MYO15A: variants seen among roughly 807,000 people sequenced by gnomAD.
MYO15A encodes myosin XVA.
Under a neutral mutation model 394.6 loss-of-function variants are expected in MYO15A, and 308 were observed. That is an observed-to-expected ratio of 0.78 (90% confidence interval 0.71 to 0.86). The LOEUF (loss-of-function observed/expected upper bound fraction) is 0.86. Among genes scored for constraint, MYO15A ranks in the 40% least tolerant of loss-of-function variants. The pLI is 0.00. For missense variants in MYO15A, 4,606 were observed against 4,799.1 expected (o/e 0.96, Z 1.19); for synonymous variants, 1,957 against 2,003.8 (o/e 0.98, Z 0.62).
chr17:18,148,476 C>T lies in MYO15A; in HGVS notation c.6692-20C>T, dbSNP rs774656939. 71 of 1,551,548 alleles carry T rather than the reference C, an allele frequency of 4.6e-5. No homozygotes were observed. Among genetic ancestry groups the T allele is most frequent in the Admixed American group, 3.1e-4 (16 of 51,048 alleles). On this transcript the variant is annotated intron_variant, in intron 31 of 65. Transcript: ENST00000647165. This position sits in a 1 kb window ranked among gnomAD's most constrained non-coding sequence, Gnocchi z 4.8. The stretch of plus-strand genomic sequence containing the variant: ...GGACTCAGATGCTCCAACCTGAGCC[C>T]GGCACCTGCTGCGCCCCAGGTGACC...
At chr17:18,131,650 G>A (rs1200933286) in intron 10 of MYO15A, 119 bp downstream of exon 10, 137 of 1,159,528 alleles carry the variant, frequency 1.2e-4, no homozygotes, top group Admixed American at 1.6e-4. Flanking sequence ...GAATACATGC[G>A]TACATGTGTA....
chr17:18,171,686 A>G lies in MYO15A; in HGVS notation c.10131A>G (p.Ala3377=). 1.2e-6 allele frequency: 2 copies of G among 1,613,406 alleles called. No homozygotes were observed. Among genetic ancestry groups the G allele is most frequent in the Non-Finnish European group, 1.7e-6 (2 of 1,180,014 alleles). ...YIPAQLYRTT[A]GSTWLNLVSQ... ...CAGCCCAGCTCTACCGTACAACGGC[A>G]GGCTCGACCTGGCTCAACCTGGTCA... The change falls in exon 63 of 66, where the codon GCA becomes GCG. Residue 3377 remains alanine, a synonymous_variant. Transcript: ENST00000647165.
In MYO15A at chr17:18,157,758, G is replaced by A. The variant is rs374985544; in HGVS notation, c.8825G>A (p.Arg2942His). 18 of 1,605,918 alleles carry A rather than the reference G, an allele frequency of 1.1e-5. No homozygotes were observed. Among genetic ancestry groups the A allele is most frequent in the Middle Eastern group, 1.6e-4 (1 of 6,082 alleles). ...GGGACCATCCACGGGCGCGTGGGCC[G>A]CTTCCCTTCGGAGCTGGTGCAGCCC... The part of the protein sequence containing the change: ...RFGTIHGRVG[R>H]FPSELVQPAA... Residue 2942 changes from arginine (R) to histidine (H), a missense_variant, in exon 51 of 66, where the codon CGC becomes CAC. Physicochemically the swap from Arg to His is conservative, Grantham distance 29. Around this residue, in one of 2 missense-constraint regions of MYO15A, gnomAD observed 2,776 missense variants for 3,109.3 expected, o/e 0.89. Transcript: ENST00000647165.
At chr17:18,156,378 G>A (rs775191363) in intron 48 of MYO15A, 42 bp downstream of exon 48, 6 of 1,604,476 alleles carry the variant, frequency 3.7e-6, no homozygotes, top group Non-Finnish European at 5.1e-6. Context: ...CCAGGCTGAG[G>A]GCCAGCAACA....
intron 40 of MYO15A, 40 bp from the exon 41 acceptor site, chr17:18,151,806 G>T (rs1461774741): frequency 6.6e-6 from 10 of 1,525,412 alleles, no homozygotes; most frequent in Non-Finnish European, 8.9e-6. Context: ...GGGAAAGGGA[G>T]ACTCAGTGTC....
chr17:18,125,294 G>T, intron 4 of MYO15A, 63 bp downstream of exon 4: 6 of 1,496,274 alleles, frequency 4.0e-6, no homozygotes, highest in Non-Finnish European at 5.6e-6. Flanking sequence ...TCCTGGGGCC[G>T]GGTGGGACGC....
At chr17:18,113,836 ACAC>A (rs1367428683) in intron 1 of MYO15A, among the ~76,000 whole-genome samples, 1 of 132,560 alleles carries the variant, frequency 7.5e-6, no homozygotes, top group East Asian at 2.0e-4. Context: ...ACACACACAC[ACAC>A]ACTCTTCCTA....
At chr17:18,144,737 A>T in intron 29 of MYO15A, 145 bp downstream of exon 29, 2 of 675,970 alleles carry the variant, frequency 3.0e-6, no homozygotes, top group African/African-American at 1.9e-5. Context: ...TTTATGTCAG[A>T]GGGGGAAATC....
At chr17:18,173,156 T>C (rs2046966194) in intron 64 of MYO15A, among the ~76,000 whole-genome samples, 1 of 152,142 alleles carries the variant, frequency 6.6e-6, no homozygotes, top group Non-Finnish European at 1.5e-5. Context: ...GCTTTCCTTC[T>C]CTCCTGGGGG....
Position 18,118,563 on chromosome 17 carries a change from C to T in MYO15A, c.-219-19C>T, listed in dbSNP as rs908548214. The T allele has an allele frequency of 3.4e-6, 2 of 589,622 alleles. No individual in the cohort carries two copies. The highest frequency in any genetic ancestry group is 1.9e-5 in the African/African-American group (1 of 53,654). The allele number at this position is 589,622 out of a possible 1,614,324, so 36.5% of individuals were successfully genotyped here. A position where few individuals can be genotyped will look rare whatever the true frequency, so the allele number is the denominator to read the frequency against. ...CATCCTGGTAAACAACACCCACACA[C>T]TTTCTACTACTGCTCTAGGGTGAAA... On this transcript the variant is annotated intron_variant, in intron 1 of 65. Coordinates refer to ENST00000647165, the MANE Select transcript of MYO15A (RefSeq NM_016239.4).
intron 62 of MYO15A, among the ~76,000 whole-genome samples, chr17:18,170,231 T>TTA (rs1224845037): frequency 6.6e-6 from 1 of 152,014 alleles, no homozygotes; most frequent in Admixed American, 6.5e-5. Flanking sequence ...CGACCACACT[T>TTA]TGAGAACCCC....
At chr17:18,145,698 G>A (rs952779241) in intron 29 of MYO15A, among the ~76,000 whole-genome samples, 174 bp from the exon 30 acceptor site, 4 of 152,154 alleles carry the variant, frequency 2.6e-5, no homozygotes, top group Non-Finnish European at 5.9e-5. Context: ...CTGGGTGACA[G>A]AGACTCCATC....
intron 65 of MYO15A, among the ~76,000 whole-genome samples, chr17:18,178,537 C>T (rs1374606575): frequency 1.3e-5 from 2 of 152,010 alleles, no homozygotes; most frequent in Non-Finnish European, 2.9e-5. Flanking sequence ...GGAGCAAAGC[C>T]GGAAGAGGCA....
In MYO15A at chr17:18,173,857, C is replaced by G; in HGVS notation, c.10427C>G (p.Pro3476Arg). Residue 3476 changes from proline (P) to arginine (R), a missense_variant, in exon 65 of 66, where the codon CCC (proline) becomes CGC (arginine). Pro to Arg is a moderately radical substitution (Grantham distance 103). Around this residue, in one of 2 missense-constraint regions of MYO15A, gnomAD observed 2,776 missense variants for 3,109.3 expected, o/e 0.89. Coordinates refer to ENST00000647165, the MANE Select transcript of MYO15A (RefSeq NM_016239.4). ...TQRPTANSSY[P>R]YVEIALGDVA... Reference sequence around the variant, plus strand: ...CGGCCCACGGCCAACTCCAGCTACCCCTATGTGGAGATTGCGCTGGGGGAC... The same window carrying G: ...CGGCCCACGGCCAACTCCAGCTACCGCTATGTGGAGATTGCGCTGGGGGAC... The G allele has an allele frequency of 1.2e-6, 2 of 1,613,286 alleles. No individual in the cohort carries two copies. Among genetic ancestry groups the G allele is most frequent in the Non-Finnish European group, 1.7e-6 (2 of 1,179,478 alleles).
At position 18,138,864 on chromosome 17, in the gene MYO15A, G is replaced by A. The variant is rs376078648; in HGVS notation, c.5061G>A (p.Pro1687=). 4.4e-5 allele frequency: 71 copies of A among 1,613,494 alleles called. No homozygotes were observed. Among genetic ancestry groups the A allele is most frequent in the Middle Eastern group, 1.6e-4 (1 of 6,082 alleles). Residue 1687 remains proline, a synonymous_variant, in exon 18 of 66, where the codon CCG becomes CCA. Coordinates refer to ENST00000647165, the MANE Select transcript of MYO15A (RefSeq NM_016239.4). Reference sequence around the variant, plus strand: ...GCCACTACCATCATGGCGCCAACCCGCTCTATTCCAAACCCAAGATGCCGC... The same window carrying A: ...GCCACTACCATCATGGCGCCAACCCACTCTATTCCAAACCCAAGATGCCGC... ...QKCHYHHGAN[P]LYSKPKMPLP...
chr17:18,135,809 C>A lies in MYO15A; in HGVS notation c.4581C>A (p.Ile1527=). 6.2e-7 allele frequency: 1 copy of A among 1,613,990 alleles called. No homozygotes were observed. ...CCCCTGAGGGCCTGCAGAAGGCCAT[C>A]ACCTTCAAAGTGACCGTGAGTCTGT... is the stretch of plus-strand genomic sequence containing the variant. ...QISPEGLQKA[I]TFKVTETMRE... is the part of the protein sequence containing the mutation. The change falls in exon 13 of 66, where the codon ATC becomes ATA. Residue 1527 remains isoleucine, a synonymous_variant. Coordinates refer to ENST00000647165, the MANE Select transcript of MYO15A (RefSeq NM_016239.4).
In MYO15A at chr17:18,124,385, C is replaced by T. The variant is rs545303162; in HGVS notation, c.3610-98C>T. On this transcript the variant is annotated intron_variant, in intron 2 of 65. Coordinates refer to ENST00000647165, the MANE Select transcript of MYO15A (RefSeq NM_016239.4). ...CCACCTGGCCTTGGGGTTCCCTCCCCAACAATGGTAGCAGGCCCCAGGTAT... is the reference window on the plus strand; with the variant it reads ...CCACCTGGCCTTGGGGTTCCCTCCCTAACAATGGTAGCAGGCCCCAGGTAT... The T allele has an allele frequency of 9.5e-4, 1,256 of 1,321,620 alleles. 1 individual carries two copies. The highest frequency in any genetic ancestry group is 1.2e-3 in the Non-Finnish European group (1,169 of 941,934). The allele number at this position is 1,321,620 out of a possible 1,614,324, so 81.9% of individuals were successfully genotyped here.
rs2045904432 is a variant in MYO15A at position 18,120,712 on chromosome 17, A to G, written c.1912A>G (p.Ser638Gly). Residue 638 changes from serine (S) to glycine (G), a missense_variant, in exon 2 of 66, where the codon AGC becomes GGC. Ser to Gly is a moderately conservative substitution (Grantham distance 56, BLOSUM62 0). Transcript: ENST00000647165. ...LRRAQPRARS[S>G]NDARRPPAPQ... ...GAGGGCCCAGCCACGCGCTCGCAGC[A>G]GCAACGACGCGCGCCGCCCGCCCGC... The G allele has an allele frequency of 9.2e-6, 14 of 1,514,198 alleles. No homozygotes were observed. The highest frequency in any genetic ancestry group is 1.2e-5 in the Non-Finnish European group (14 of 1,141,746). The allele number at this position is 1,514,198 out of a possible 1,614,324, so 93.8% of individuals were successfully genotyped here.
intron 60 of MYO15A, chr17:18,165,023 A>C (rs899433183): frequency 4.7e-5 from 7 of 148,560 alleles, no homozygotes; most frequent in South Asian, 4.4e-4. Context: ...CCTGCCACTC[A>C]GGAGGGTGAG....
Sources: allele counts gnomAD v4.1 joint callset (sites outside exome capture counted in the v4.1 genomes callset), GRCh38; gene constraint gnomAD v4.1.1; regional missense constraint gnomAD v4.1.1; non-coding constraint Gnocchi (gnomAD v3.1); transcripts MANE v1.5; gene names NCBI Gene and HGNC (gene_info 2026-07-23, HGNC 2026-07-21).